Variants in IFITM10 observed in about 807,000 individuals in gnomAD.
The protein encoded by IFITM10 is interferon-induced transmembrane protein 10.
Under a neutral mutation model 19.0 loss-of-function variants are expected in IFITM10, and 17 were observed. The ratio of observed to expected loss-of-function variants is 0.90; its 90% CI spans 0.61 to 1.34. The LOEUF is 1.34. Ranked by LOEUF, IFITM10 falls within the 40% of genes most tolerant of loss-of-function variation. IFITM10 has a pLI of 0.00. For missense variants in IFITM10, 306 were observed against 319.8 expected, an observed-to-expected ratio of 0.96 and a Z score of 0.33; for synonymous variants, 148 against 147.2, an observed-to-expected ratio of 1.01 and a Z score of -0.04.
intron 2 of IFITM10, chr11:1,746,530 G>A (rs185216163): frequency 1.8e-5 from 7 of 398,586 alleles, no homozygotes; most frequent in Middle Eastern, 1.3e-3. Flanking sequence ...CCGCAGGCCC[G>A]AGGTTGAAGG....
intron 2 of IFITM10, among the ~76,000 whole-genome samples, chr11:1,741,812 C>G (rs943813426): frequency 2.6e-5 from 4 of 152,112 alleles, no homozygotes; most frequent in Non-Finnish European, 4.4e-5. Flanking sequence ...ATCCTAACCC[C>G]TAAAGTGATG....
intron 2 of IFITM10, among the ~76,000 whole-genome samples, chr11:1,742,432 A>G (rs1845578634): frequency 6.6e-6 from 1 of 152,164 alleles, no homozygotes; most frequent in South Asian, 2.1e-4. Context: ...ATGAGGAAGG[A>G]GGGAATAGAG....
At chr11:1,742,050 T>C (rs755765454) in intron 2 of IFITM10, among the ~76,000 whole-genome samples, 6 of 152,170 alleles carry the variant, frequency 3.9e-5, no homozygotes, top group African/African-American at 9.7e-5. Context: ...ATAAACCAAC[T>C]AATCTATGAT....
In IFITM10 at chr11:1,733,621, G is replaced by C. The variant is rs2133637620; in HGVS notation, c.*1659C>G. ...CCTTCTGAGGCACCCCACGTCTCCA[G>C]CCCAGAAGGCTCTTCCCTTCTCTGC... is the stretch of plus-strand genomic sequence containing the variant. On this transcript the variant is annotated 3_prime_UTR_variant, in exon 3 of 3. Coordinates refer to ENST00000340134, the MANE Select transcript of IFITM10 (RefSeq NM_001170820.4). The surrounding 1 kb of genome is among the most constrained non-coding windows in gnomAD (Gnocchi z 6.3). 6.5e-6 allele frequency: 1 copy of C among 152,738 alleles called. No homozygotes were observed. The highest frequency in any genetic ancestry group is 1.9e-4 in the East Asian group (1 of 5,140). 9.5% of individuals were successfully genotyped at this position (152,738 alleles called of 1,614,324 possible).
Position 1,748,037 on chromosome 11 carries a change from A to C in IFITM10, c.167T>G (p.Leu56Arg). ...TDGAQEARVP[L>R]DGAFWIPRPP... Reference sequence around the variant, plus strand: ...CCTCGGAATCCAGAAGGCCCCGTCCAGGGGGACTCGGGCTTCCTGGGCGCC... The same window carrying C: ...CCTCGGAATCCAGAAGGCCCCGTCCCGGGGGACTCGGGCTTCCTGGGCGCC... Residue 56 changes from leucine (L) to arginine (R), a missense_variant, in exon 2 of 3, where the codon CTG (leucine) becomes CGG (arginine). Transcript: ENST00000340134. 7.0e-7 allele frequency: 1 copy of C among 1,426,102 alleles called. No homozygotes were observed. The highest frequency in any genetic ancestry group is 9.1e-7 in the Non-Finnish European group (1 of 1,095,152). The allele number at this position is 1,426,102 out of a possible 1,614,324, so 88.3% of individuals were successfully genotyped here.
intron 1 of IFITM10, chr11:1,749,319 C>T (rs922083227): frequency 6.4e-6 from 1 of 155,044 alleles, no homozygotes; most frequent in African/African-American, 2.4e-5. Context: ...AAGCCGCGAC[C>T]CTGGGGAGTT....
At chr11:1,740,116 A>G (rs1851129907) in intron 2 of IFITM10, among the ~76,000 whole-genome samples, 1 of 152,048 alleles carries the variant, frequency 6.6e-6, no homozygotes, top group African/African-American at 2.4e-5. Flanking sequence ...CCTGACCAAC[A>G]TGGTGAAACC....
At chr11:1,746,450 G>T in intron 2 of IFITM10, 1 of 397,808 alleles carries the variant, frequency 2.5e-6, no homozygotes, top group Non-Finnish European at 4.4e-6. Context: ...GCAATTACAC[G>T]TGAGTACACA....
intron 1 of IFITM10, chr11:1,748,916 A>G (rs1053399008): frequency 2.4e-6 from 1 of 418,360 alleles, no homozygotes; most frequent in African/African-American, 2.1e-5. Flanking sequence ...CCGCGTTCCC[A>G]GCTCCCGTGC....
intron 2 of IFITM10, among the ~76,000 whole-genome samples, chr11:1,738,353 T>G (rs901873456): frequency 1.3e-5 from 2 of 151,900 alleles, no homozygotes; most frequent in African/African-American, 2.4e-5. Flanking sequence ...AGCTGAGGAG[T>G]GTACTGGGTG....
chr11:1,749,974 C>T (rs1288351641), intron 1 of IFITM10, among the ~76,000 whole-genome samples: 1 of 152,072 alleles, frequency 6.6e-6, no homozygotes, highest in Non-Finnish European at 1.5e-5. Flanking sequence ...TCCATCTGCT[C>T]GCAGGGCAAA....
At chr11:1,737,912 C>T (rs1301944346) in intron 2 of IFITM10, among the ~76,000 whole-genome samples, 1 of 152,064 alleles carries the variant, frequency 6.6e-6, no homozygotes, top group Non-Finnish European at 1.5e-5. Flanking sequence ...TGAGGAATAA[C>T]GTGGCAGAGG....
intron 1 of IFITM10, among the ~76,000 whole-genome samples, chr11:1,749,425 C>G (rs1277648272): frequency 6.6e-6 from 1 of 150,780 alleles, no homozygotes; most frequent in East Asian, 2.0e-4. Flanking sequence ...CTCCCCACCC[C>G]ACCCGGCCCC....
At chr11:1,735,529 A>G in intron 2 of IFITM10, 100 bp from the exon 3 acceptor site, 3 of 1,045,012 alleles carry the variant, frequency 2.9e-6, no homozygotes, top group East Asian at 2.6e-5. Flanking sequence ...TGCTCAGCAC[A>G]GTACCAGTGC....
chr11:1,744,819 G>A (rs1268336881), intron 2 of IFITM10: 1 of 152,520 alleles, frequency 6.6e-6, no homozygotes, highest in East Asian at 1.9e-4. Flanking sequence ...AGTGAGGCAA[G>A]ATGGCTTGTC....
chr11:1,739,689 C>T (rs758299684), intron 2 of IFITM10, among the ~76,000 whole-genome samples: 2 of 151,814 alleles, frequency 1.3e-5, no homozygotes, highest in Admixed American at 6.6e-5. Context: ...AAGTCTAGCT[C>T]GGTGGCCAGG....
intron 1 of IFITM10, 114 bp from the exon 2 acceptor site, chr11:1,748,233 G>A (rs1023130354): frequency 1.3e-5 from 11 of 818,292 alleles, no homozygotes; most frequent in African/African-American, 5.3e-5. Context: ...TGCGGGGGCC[G>A]CCAGCTGCCA....
At chr11:1,746,006 A>G (rs1204262988) in intron 2 of IFITM10, 1 of 150,634 alleles carries the variant, frequency 6.6e-6, no homozygotes, top group Non-Finnish European at 1.5e-5. Flanking sequence ...TCAGGTACAT[A>G]CAGACAGTAC....
In IFITM10 at chr11:1,750,206, A is replaced by T. The variant is rs936595252; in HGVS notation, c.84+153T>A. ...GCCTCCGCTACCCCACCACATCCTC[A>T]CTCTCACGGTATGCTTGACGCCAGC... is the stretch of plus-strand genomic sequence containing the variant. On this transcript the variant is annotated intron_variant, in intron 1 of 2. Coordinates refer to ENST00000340134, the MANE Select transcript of IFITM10 (RefSeq NM_001170820.4). 6 of 827,068 alleles carry T rather than the reference A, an allele frequency of 7.3e-6. No individual in the cohort carries two copies. The African/African-American group carries it at 7.4e-5, about 10-fold the overall frequency. The allele number at this position is 827,068 out of a possible 1,614,324, so 51.2% of individuals were successfully genotyped here.
Sources: gnomAD v4.1 joint callset for allele counts (sites outside exome capture counted in the v4.1 genomes callset) on GRCh38, gnomAD v4.1.1 for gene constraint, Gnocchi (gnomAD v3.1) non-coding constraint, MANE v1.5 for transcripts, NCBI Gene and HGNC (gene_info 2026-07-23, HGNC 2026-07-21) for gene names.